The following POTEC variants were observed in gnomAD, a reference collection of about 807,000 sequenced individuals.
The protein encoded by POTEC is POTE ankyrin domain family member C.
POTEC carries 35 observed loss-of-function variants against 62.0 expected under a neutral mutation model. The ratio of observed to expected loss-of-function variants is 0.56; its 90% CI spans 0.43 to 0.75. The LOEUF (loss-of-function observed/expected upper bound fraction) is 0.75, where lower values mean the gene tolerates loss of function less well. Among genes scored for constraint, POTEC ranks in the 30% least tolerant of loss-of-function variants. POTEC has a pLI of 0.00. For missense variants in POTEC, 472 were observed against 655.9 expected (o/e 0.72, Z 3.06); for synonymous variants, 156 against 221.5 (o/e 0.70, Z 2.62).
In POTEC at chr18:14,543,100, T is replaced by C. The variant is rs1005297252; in HGVS notation, c.47A>G (p.Lys16Arg). The change falls in exon 1 of 11, where the codon AAG becomes AGG. Residue 16 changes from lysine to arginine, a missense_variant. Physicochemically the swap from Lys to Arg is conservative, Grantham distance 26. Around this residue, in one of 5 missense-constraint regions of POTEC, gnomAD observed 257 missense variants for 250.7 expected, o/e 1.03. Coordinates refer to ENST00000358970, the MANE Select transcript of POTEC (RefSeq NM_001137671.2). ...CSMPAASAVK[K>R]PFDLRSKMGK... ...CATCTTGCTCCTGAGATCGAATGGC[T>C]TCTTCACAGCAGAGGCAGCGGGCAT... The C allele has an allele frequency of 1.2e-6, 2 of 1,613,958 alleles. No homozygotes were observed. Among genetic ancestry groups the C allele is most frequent in the Non-Finnish European group, 1.7e-6 (2 of 1,179,876 alleles).
Position 14,511,274 on chromosome 18 carries a change from A to G in POTEC, c.*624T>C, listed in dbSNP as rs7504326. 0.18 allele frequency: 29,753 copies of G among 167,106 alleles called. 3,245 individuals are homozygous for G. The highest frequency in any genetic ancestry group is 0.4 in the East Asian group (2,029 of 5,104). 10.4% of individuals were successfully genotyped at this position (167,106 alleles called of 1,614,324 possible). A position where few individuals can be genotyped will look rare whatever the true frequency, so the allele number is the denominator to read the frequency against. On this transcript the variant is annotated 3_prime_UTR_variant, in exon 11 of 11. Coordinates refer to ENST00000358970, the MANE Select transcript of POTEC (RefSeq NM_001137671.2). Reference sequence around the variant, plus strand: ...GTCCAGTGACGAGGAACAGGATCAGAGGCCTGCTTACAGAAGCATTCTGGA... The same window carrying G: ...GTCCAGTGACGAGGAACAGGATCAGGGGCCTGCTTACAGAAGCATTCTGGA...
At chr18:14,515,976 C>T (rs974772298) in intron 9 of POTEC, among the ~76,000 whole-genome samples, 21 of 151,790 alleles carry the variant, frequency 1.4e-4, no homozygotes, top group Non-Finnish European at 2.1e-4. Flanking sequence ...TGAGATATCA[C>T]CTCACTTCAG....
chr18:14,532,464 G>A (rs1166483433), intron 5 of POTEC, among the ~76,000 whole-genome samples: 9 of 152,148 alleles, frequency 5.9e-5, no homozygotes, highest in African/African-American at 2.2e-4. Flanking sequence ...AGACTTGAGG[G>A]ATCTGAATCA....
chr18:14,542,161 T>C (rs1310861864), intron 1 of POTEC, among the ~76,000 whole-genome samples: 2 of 152,146 alleles, frequency 1.3e-5, no homozygotes, highest in African/African-American at 4.8e-5. Flanking sequence ...ATACTTCCCA[T>C]TTCAGTTTCC....
Position 14,537,756 on chromosome 18 carries a change from C to A in POTEC, c.810+45G>T, listed in dbSNP as rs6650610. 7.5e-6 allele frequency: 12 copies of A among 1,603,394 alleles called. No individual in the cohort carries two copies. The African/African-American group carries it at 1.6e-4, about 21-fold the overall frequency. On this transcript the variant is annotated intron_variant, in intron 3 of 10. Transcript: ENST00000358970. ...GCCCTTACACAGGTCAATGTTAACA[C>A]GAATGCATTTCAGTATTTTGAAGAT...
intron 9 of POTEC, among the ~76,000 whole-genome samples, 158 bp from the exon 10 acceptor site, chr18:14,513,943 G>C (rs565910291): frequency 6.6e-6 from 1 of 152,166 alleles, no homozygotes; most frequent in Non-Finnish European, 1.5e-5. Flanking sequence ...TGCTCTCCCA[G>C]TCATGTTGGC....
chr18:14,523,656 A>T (rs1251644596), intron 7 of POTEC, 149 bp from the exon 8 acceptor site: 2 of 331,980 alleles, frequency 6.0e-6, no homozygotes, highest in African/African-American at 4.4e-5. Context: ...AACTGTTAAA[A>T]TAATTAAATA....
At chr18:14,527,875 A>G (rs1220789616) in intron 6 of POTEC, 1 of 152,196 alleles carries the variant, frequency 6.6e-6, no homozygotes. Flanking sequence ...ATACATTGAT[A>G]CTAGTCCAAG....
intron 3 of POTEC, among the ~76,000 whole-genome samples, chr18:14,535,459 A>T (rs188145909): frequency 6.6e-6 from 1 of 152,248 alleles, no homozygotes; most frequent in Admixed American, 6.5e-5. Context: ...CGTGCAATAA[A>T]TATTGCTATT....
chr18:14,515,568 C>T (rs1200829114), intron 9 of POTEC, among the ~76,000 whole-genome samples: 3 of 151,922 alleles, frequency 2.0e-5, no homozygotes, highest in Admixed American at 2.0e-4. Flanking sequence ...ATGGCCTAAA[C>T]CTAAGACCTG....
intron 9 of POTEC, among the ~76,000 whole-genome samples, chr18:14,517,804 T>C (rs1264081579): frequency 6.6e-6 from 1 of 152,182 alleles, no homozygotes; most frequent in Non-Finnish European, 1.5e-5. Context: ...GAGGTTGCAG[T>C]GAACTGAGAT....
At position 14,511,345 on chromosome 18, in the gene POTEC, C is replaced by T. The variant is rs1910002165; in HGVS notation, c.*553G>A. 3 of 239,090 alleles carry T rather than the reference C, an allele frequency of 1.3e-5. No homozygotes were observed. Among genetic ancestry groups the T allele is most frequent in the Non-Finnish European group, 1.6e-5 (2 of 122,518 alleles). The allele number at this position is 239,090 out of a possible 1,614,324, so 14.8% of individuals were successfully genotyped here. A position where few individuals can be genotyped will look rare whatever the true frequency, so the allele number is the denominator to read the frequency against. ...GTGCTATGCCACAGGATCTCTTCTG[C>T]CCCTGGTGGGTTTGTACTCTCCAAA... On this transcript the variant is annotated 3_prime_UTR_variant, in exon 11 of 11. Coordinates refer to ENST00000358970, the MANE Select transcript of POTEC (RefSeq NM_001137671.2).
Position 14,511,207 on chromosome 18 carries a change from A to T in POTEC, c.*691T>A, listed in dbSNP as rs1258991278. 1 of 154,230 alleles carries T rather than the reference A, an allele frequency of 6.5e-6. No individual in the cohort carries two copies. The highest frequency in any genetic ancestry group is 2.4e-5 in the African/African-American group (1 of 40,948). The allele number at this position is 154,230 out of a possible 1,614,324, so 9.6% of individuals were successfully genotyped here. On this transcript the variant is annotated 3_prime_UTR_variant, in exon 11 of 11. Coordinates refer to ENST00000358970, the MANE Select transcript of POTEC (RefSeq NM_001137671.2). ...GGTTTCAAATCTCCATTGGCCAGGGAACACTGGTGGGTGTAGCTGGAGGCC... is the reference window on the plus strand; with the variant it reads ...GGTTTCAAATCTCCATTGGCCAGGGTACACTGGTGGGTGTAGCTGGAGGCC...
chr18:14,520,117 TA>T (rs1910272913), intron 9 of POTEC, among the ~76,000 whole-genome samples: 1 of 152,184 alleles, frequency 6.6e-6, no homozygotes, highest in Non-Finnish European at 1.5e-5. Flanking sequence ...AAGGACATCA[TA>T]CTTAGGAGTC....
At chr18:14,517,119 A>G (rs1331116521) in intron 9 of POTEC, among the ~76,000 whole-genome samples, 1 of 149,772 alleles carries the variant, frequency 6.7e-6, no homozygotes, top group Non-Finnish European at 1.5e-5. Flanking sequence ...TATTCCTGAG[A>G]GCTGTTATTA....
intron 9 of POTEC, among the ~76,000 whole-genome samples, chr18:14,514,106 A>C (rs1910086678): frequency 6.6e-6 from 1 of 151,750 alleles, no homozygotes; most frequent in African/African-American, 2.4e-5. Context: ...CATCATGTAG[A>C]ATCAGTGGGA....
At chr18:14,541,616 G>A (rs1476768732) in intron 1 of POTEC, among the ~76,000 whole-genome samples, 1 of 152,172 alleles carries the variant, frequency 6.6e-6, no homozygotes, top group Non-Finnish European at 1.5e-5. Flanking sequence ...TCCAGCCTGG[G>A]CCATGGAGTG....
rs927184827 is a variant in POTEC at position 14,514,062 on chromosome 18, T to C, written c.1410-277A>G. 4.5e-4 allele frequency among the ~76,000 whole-genome samples: 68 copies of C among 150,742 alleles called. No individual in the cohort carries two copies. The South Asian group carries it at 5.9e-3, about 13-fold the overall frequency. ...ACATTGTGCACTTCATTTCTATTAT[T>C]ACTAATATATAATGAAATAATTATA... On this transcript the variant is annotated intron_variant, in intron 9 of 10. Transcript: ENST00000358970.
In POTEC at chr18:14,537,666, A is replaced by G. The variant is rs1225830482; in HGVS notation, c.810+135T>C. 2.8e-6 allele frequency: 3 copies of G among 1,074,614 alleles called. No homozygotes were observed. The African/African-American group carries it at 4.9e-5, about 17-fold the overall frequency. The allele number at this position is 1,074,614 out of a possible 1,614,324, so 66.6% of individuals were successfully genotyped here. On this transcript the variant is annotated intron_variant, in intron 3 of 10. Transcript: ENST00000358970. ...AACAATATTTAAAATAAAGTCTTAG[A>G]TAATTAAGTCATTTCAAAATATTTT...
Sources: gnomAD v4.1 joint callset for allele counts (sites outside exome capture counted in the v4.1 genomes callset) on GRCh38, gnomAD v4.1.1 for gene constraint, gnomAD v4.1.1 regional missense constraint, MANE v1.5 for transcripts, NCBI Gene and HGNC (gene_info 2026-07-23, HGNC 2026-07-21) for gene names.